Variants in CRTC3 observed in about 807,000 individuals in gnomAD.
CRTC3 encodes the protein CREB regulated transcription coactivator 3.
In CRTC3, 26 loss-of-function variants were observed where a neutral mutation model predicts 74.5. The observed-to-expected ratio is 0.35, with a 90% CI of 0.26 to 0.48. The LOEUF is 0.48. Ranked by LOEUF, CRTC3 falls within the 20% of genes least tolerant of loss-of-function variation. The pLI, the probability that CRTC3 is intolerant of heterozygous loss-of-function variation, is 0.99. For synonymous variants in CRTC3, 377 were observed against 325.8 expected, an observed-to-expected ratio of 1.16 and a Z score of -1.69; for missense variants, 760 against 787.3, an observed-to-expected ratio of 0.97 and a Z score of 0.41.
In CRTC3 at chr15:90,554,206, CT is replaced by C. The variant is rs796624134; in HGVS notation, c.231+14084del. On this transcript the variant is annotated intron_variant, in intron 2 of 14. Transcript: ENST00000268184. ...GGCAAGCACATTAGAGGTGTTTCCT[CT>C]TTTTTTTTTTTTTTGAGTCAGAGTC... Among the ~76,000 whole-genome samples the C allele has an allele frequency of 3.5e-3, 499 of 142,680 alleles. 1 individual carries two copies. The highest frequency in any genetic ancestry group is 7.3e-3 in the Middle Eastern group (2 of 274). The allele number at this position is 142,680 out of a possible 152,430, so 93.6% of individuals were successfully genotyped here.
At chr15:90,636,264 C>T (rs1015710069) in intron 11 of CRTC3, among the ~76,000 whole-genome samples, 2 of 151,776 alleles carry the variant, frequency 1.3e-5, no homozygotes, top group Non-Finnish European at 2.9e-5. Context: ...ATATCTACAA[C>T]CATCTGATCT....
chr15:90,585,731 C>T (rs1967645328), intron 2 of CRTC3, among the ~76,000 whole-genome samples: 1 of 152,168 alleles, frequency 6.6e-6, no homozygotes, highest in Non-Finnish European at 1.5e-5. Flanking sequence ...ACTTGTGTTG[C>T]TTTCTCTGCT....
intron 11 of CRTC3, among the ~76,000 whole-genome samples, chr15:90,630,755 C>CCTTTTTTT (rs1290271902): frequency 2.7e-5 from 1 of 37,492 alleles, no homozygotes; most frequent in Non-Finnish European, 6.5e-5. Context: ...ATTACAGCAT[C>CCTTTTTTT]ATTTTTTTTT....
intron 10 of CRTC3, among the ~76,000 whole-genome samples, chr15:90,627,894 G>A (rs1158282983): frequency 0.098 from 8 of 82 alleles, no homozygotes; most frequent in East Asian, 0.29. Context: ...GATTACAGGC[G>A]TGAGCCACGC....
At chr15:90,631,887 C>G (rs538538432) in intron 11 of CRTC3, among the ~76,000 whole-genome samples, 1 of 152,036 alleles carries the variant, frequency 6.6e-6, no homozygotes, top group African/African-American at 2.4e-5. Flanking sequence ...GCATGAGCCA[C>G]TGTGCCCTGC....
chr15:90,536,378 A>C (rs1966719325), intron 1 of CRTC3, among the ~76,000 whole-genome samples: 1 of 151,990 alleles, frequency 6.6e-6, no homozygotes, highest in Admixed American at 6.6e-5. Context: ...CTAAAAAAAA[A>C]AAACGAAAAT....
intron 1 of CRTC3, among the ~76,000 whole-genome samples, chr15:90,539,414 A>G (rs1299349208): frequency 1.2e-4 from 4 of 32,978 alleles, no homozygotes; most frequent in African/African-American, 3.8e-4. Flanking sequence ...CTTTTCTCAT[A>G]TGTATATTAT....
chr15:90,548,889 A>AG (rs1491122522), intron 2 of CRTC3, among the ~76,000 whole-genome samples: 1 of 152,196 alleles, frequency 6.6e-6, no homozygotes, highest in Non-Finnish European at 1.5e-5. Flanking sequence ...AAGATAATAA[A>AG]GAGTTACACC....
intron 8 of CRTC3, 138 bp downstream of exon 8, chr15:90,618,106 T>C (rs1968541492): frequency 1.9e-6 from 1 of 530,408 alleles, no homozygotes; most frequent in East Asian, 3.1e-5. Context: ...GATAAGAATA[T>C]ACAAGGGAAG....
At chr15:90,536,640 A>C (rs1966724118) in intron 1 of CRTC3, among the ~76,000 whole-genome samples, 1 of 152,226 alleles carries the variant, frequency 6.6e-6, no homozygotes, top group Admixed American at 6.5e-5. Context: ...AAAAGGAATT[A>C]ATGAGGCCTG....
chr15:90,540,113 G>T lies in CRTC3; in HGVS notation c.207G>T (p.Leu69=). Residue 69 remains leucine (L), a synonymous_variant, in exon 2 of 15, where the codon CTG becomes CTT. Coordinates refer to ENST00000268184, the MANE Select transcript of CRTC3 (RefSeq NM_022769.5). ...HGGSLPNVSQ[L]RSSASEFQPS... is the part of the protein sequence containing the mutation. ...GATCCTTACCAAATGTGAGCCAGCT[G>T]CGGAGCAGTGCGTCAGAGTTTCAGG... The T allele has an allele frequency of 1.9e-6, 3 of 1,612,778 alleles. No homozygotes were observed. Among genetic ancestry groups the T allele is most frequent in the Non-Finnish European group, 1.7e-6 (2 of 1,179,262 alleles).
chr15:90,542,686 C>T (rs1281456636), intron 2 of CRTC3, among the ~76,000 whole-genome samples: 2 of 152,218 alleles, frequency 1.3e-5, no homozygotes, highest in East Asian at 3.8e-4. Flanking sequence ...TCCTCTGTAG[C>T]AAAAGGATTC....
intron 2 of CRTC3, among the ~76,000 whole-genome samples, chr15:90,549,302 GTGTA>G (rs985340909): frequency 2.6e-5 from 4 of 151,588 alleles, no homozygotes; most frequent in African/African-American, 7.3e-5. Flanking sequence ...GTGTGTGTGT[GTGTA>G]TGTGTGTGTG....
rs926513424 is a variant in CRTC3 at position 90,551,345 on chromosome 15, C to T, written c.231+11208C>T. 4.8e-5 allele frequency among the ~76,000 whole-genome samples: 7 copies of T among 144,594 alleles called. No homozygotes were observed. The East Asian group carries it at 1.4e-3, about 29-fold the overall frequency. The allele number at this position is 144,594 out of a possible 152,430, so 94.9% of individuals were successfully genotyped here. A position where few individuals can be genotyped will look rare whatever the true frequency, so the allele number is the denominator to read the frequency against. The stretch of plus-strand genomic sequence containing the variant: ...TTTCTACCTCTTTTTTTCTGTGCTT[C>T]TTACTGTCTCCCCCTCACCGCTGCT... On this transcript the variant is annotated intron_variant, in intron 2 of 14. Coordinates refer to ENST00000268184, the MANE Select transcript of CRTC3 (RefSeq NM_022769.5).
chr15:90,564,913 CCT>C (rs1967088905), intron 2 of CRTC3, among the ~76,000 whole-genome samples: 24 of 9,216 alleles, frequency 2.6e-3, no homozygotes, highest in African/African-American at 5.3e-3. Context: ...AACCTTCCTT[CCT>C]TCCTTCCTTC....
intron 2 of CRTC3, among the ~76,000 whole-genome samples, chr15:90,551,657 G>T (rs1397183674): frequency 2.6e-5 from 4 of 152,064 alleles, no homozygotes; most frequent in Non-Finnish European, 5.9e-5. Context: ...GGGCTTTAAG[G>T]TGATCTTCCC....
At position 90,589,017 on chromosome 15, in the gene CRTC3, T is replaced by C. The variant is rs568393406; in HGVS notation, c.232-4619T>C. ...ACTGTTTCTTTGACTCCGAATCATA[T>C]GTGTTTTTGGGGTTTTGTTGTTGTC... On this transcript the variant is annotated intron_variant, in intron 2 of 14. Coordinates refer to ENST00000268184, the MANE Select transcript of CRTC3 (RefSeq NM_022769.5). Among the ~76,000 whole-genome samples, 335 of 152,288 alleles carry C rather than the reference T, an allele frequency of 2.2e-3. 2 individuals are homozygous for C. Among genetic ancestry groups the C allele is most frequent in the Non-Finnish European group, 1.1e-3 (75 of 68,010 alleles).
At chr15:90,637,277 C>A (rs1242114687) in intron 11 of CRTC3, among the ~76,000 whole-genome samples, 1 of 152,102 alleles carries the variant, frequency 6.6e-6, no homozygotes, top group Non-Finnish European at 1.5e-5. Flanking sequence ...AGCTGGAAAC[C>A]ATCATTCTCA....
At chr15:90,541,674 G>A (rs1490963661) in intron 2 of CRTC3, among the ~76,000 whole-genome samples, 1 of 151,602 alleles carries the variant, frequency 6.6e-6, no homozygotes, top group Non-Finnish European at 1.5e-5. Context: ...TCCCAATTTT[G>A]TGCTACTTTA....
Sources: allele counts gnomAD v4.1 joint callset (sites outside exome capture counted in the v4.1 genomes callset), GRCh38; gene constraint gnomAD v4.1.1; transcripts MANE v1.5; gene names NCBI Gene and HGNC (gene_info 2026-07-23, HGNC 2026-07-21).